The following KDM8 variants were observed in gnomAD, a reference collection of about 807,000 sequenced individuals.
KDM8 encodes lysine demethylase 8, also known as bifunctional peptidase and arginyl-hydroxylase JMJD5.
KDM8 carries 35 observed loss-of-function variants against 46.9 expected under a neutral mutation model. The observed-to-expected ratio is 0.75, with a 90% CI of 0.57 to 0.99. KDM8 has a LOEUF of 0.99. Ranked by LOEUF, KDM8 falls within the 50% of genes least tolerant of loss-of-function variation. The probability of loss-of-function intolerance (pLI) is 0.00; values close to 1 mark genes in which losing one functional copy is unlikely to be tolerated. For synonymous variants in KDM8, 232 were observed against 227.7 expected, an observed-to-expected ratio of 1.02 and a Z score of -0.17; for missense variants, 475 against 537.0, an observed-to-expected ratio of 0.88 and a Z score of 1.14.
intron 1 of KDM8, among the ~76,000 whole-genome samples, chr16:27,205,819 C>T (rs2083422982): frequency 6.6e-6 from 1 of 152,154 alleles, no homozygotes; most frequent in African/African-American, 2.4e-5. Flanking sequence ...GCCTGAGTGA[C>T]AGAAAGACTC....
rs1461744401 is a variant in KDM8 at position 27,210,347 on chromosome 16, C to A, written c.224C>A (p.Ser75Tyr). ...LQSSEVILDYSWEKLNTGTWQ... is the reference protein window; with the variant it reads ...LQSSEVILDYYWEKLNTGTWQ... ...AGCAGCGAGGTGATCCTGGACTACT[C>A]CTGGGAGAAGCTCAACACGGGCACA... The change falls in exon 2 of 8, where the codon TCC (serine) becomes TAC (tyrosine). Residue 75 changes from serine (S) to tyrosine (Y), a missense_variant. Transcript: ENST00000286096. 1.2e-6 allele frequency: 2 copies of A among 1,613,340 alleles called. No individual in the cohort carries two copies. The highest frequency in any genetic ancestry group is 1.7e-6 in the Non-Finnish European group (2 of 1,180,032).
intron 1 of KDM8, 74 bp from the exon 2 acceptor site, chr16:27,210,019 C>A: frequency 1.4e-6 from 2 of 1,433,594 alleles, no homozygotes; most frequent in Non-Finnish European, 1.9e-6. Context: ...AGATGAGATG[C>A]AGGAAGCTGC....
chr16:27,208,383 A>C (rs1274117164), intron 1 of KDM8, among the ~76,000 whole-genome samples: 2 of 152,208 alleles, frequency 1.3e-5, no homozygotes, highest in Non-Finnish European at 2.9e-5. Context: ...GGGCCGTTTT[A>C]TAAGGTCACC....
chr16:27,219,741 A>C (rs1310125145), intron 6 of KDM8, among the ~76,000 whole-genome samples: 1 of 152,212 alleles, frequency 6.6e-6, no homozygotes. Flanking sequence ...TGGGCAGCTC[A>C]TTTAATCTCT....
intron 1 of KDM8, among the ~76,000 whole-genome samples, chr16:27,208,159 C>T (rs1227464706): frequency 6.6e-6 from 1 of 152,214 alleles, no homozygotes; most frequent in Non-Finnish European, 1.5e-5. Context: ...CCATCTTTCC[C>T]AGAAGGCTGT....
intron 1 of KDM8, among the ~76,000 whole-genome samples, chr16:27,205,884 G>A (rs1389490253): frequency 6.6e-6 from 1 of 152,198 alleles, no homozygotes; most frequent in East Asian, 1.9e-4. Context: ...AGAGGTCTTT[G>A]AAGGCCAATA....
chr16:27,214,057 C>G lies in KDM8; in HGVS notation c.665+306C>G, dbSNP rs1379008886. 3.3e-5 allele frequency: 8 copies of G among 244,122 alleles called. No homozygotes were observed. In the East Asian group the frequency reaches 7.5e-4, roughly 23 times the overall value. The allele number at this position is 244,122 out of a possible 1,614,324, so 15.1% of individuals were successfully genotyped here. ...CAGGATCCTAGCAATTTCAGACCAT[C>G]TCAGGGCCCTGAAGCTAAGAGCAGA... On this transcript the variant is annotated intron_variant, in intron 3 of 7. Transcript: ENST00000286096.
chr16:27,218,680 A>C (rs2083581379), intron 5 of KDM8, among the ~76,000 whole-genome samples: 1 of 152,198 alleles, frequency 6.6e-6, no homozygotes, highest in Non-Finnish European at 1.5e-5. Flanking sequence ...TGTCTCTACA[A>C]AAACAAAAAT....
chr16:27,205,311 TAAC>T (rs1348396879), intron 1 of KDM8, among the ~76,000 whole-genome samples: 1 of 152,190 alleles, frequency 6.6e-6, no homozygotes, highest in Non-Finnish European at 1.5e-5. Flanking sequence ...GGTTAGCACA[TAAC>T]AGCCTATATT....
chr16:27,210,140 A>G lies in KDM8; in HGVS notation c.17A>G (p.His6Arg), dbSNP rs1397994407. ...GGTGGCCCGATGGCTGGAGACACCC[A>G]CTGCCCCGCAGAGCCCCTGGCCAGA... The part of the protein sequence containing the change: MAGDT[H>R]CPAEPLAREG... Residue 6 changes from histidine (H) to arginine (R), a missense_variant, in exon 2 of 8, where the codon CAC becomes CGC. By Grantham distance (29) the His-to-Arg change is conservative (BLOSUM62 0). Transcript: ENST00000286096. 6.2e-7 allele frequency: 1 copy of G among 1,612,832 alleles called. No individual in the cohort carries two copies. The highest frequency in any genetic ancestry group is 1.7e-5 in the Admixed American group (1 of 59,998).
chr16:27,215,154 A>C, intron 4 of KDM8, 146 bp downstream of exon 4: 1 of 868,020 alleles, frequency 1.2e-6, no homozygotes, highest in Non-Finnish European at 1.8e-6. Flanking sequence ...CGCAGCGAGG[A>C]AGGCAGGCTG....
intron 1 of KDM8, chr16:27,204,390 G>A: frequency 8.1e-7 from 1 of 1,240,232 alleles, no homozygotes; most frequent in Non-Finnish European, 1.0e-6. Flanking sequence ...CCCTTAGAGA[G>A]CCAAAGGGAT....
At position 27,214,715 on chromosome 16, in the gene KDM8, C is replaced by G. The variant is rs763505768; in HGVS notation, c.666-161C>G. On this transcript the variant is annotated intron_variant, in intron 3 of 7. Coordinates refer to ENST00000286096, the MANE Select transcript of KDM8 (RefSeq NM_024773.3). ...ACACAGCCTTGAGCAGGGAGCCCCA[C>G]CTCTCCATGCCGGTTCCTCATCAGT... 116 of 727,392 alleles carry G rather than the reference C, an allele frequency of 1.6e-4. 1 individual carries two copies. Among genetic ancestry groups the G allele is most frequent in the South Asian group, 1.7e-4 (10 of 58,494 alleles). The allele number at this position is 727,392 out of a possible 1,614,324, so 45.1% of individuals were successfully genotyped here.
chr16:27,209,732 CAG>C (rs2083462126), intron 1 of KDM8, among the ~76,000 whole-genome samples: 1 of 152,190 alleles, frequency 6.6e-6, no homozygotes, highest in Non-Finnish European at 1.5e-5. Flanking sequence ...TGCAGGAACA[CAG>C]AACACTGTTG....
chr16:27,213,692 A>C lies in KDM8; in HGVS notation c.606A>C (p.Pro202=). ...LQHFREQFLV[P]GRPVILKGVA... ...ATTTCAGGGAGCAGTTTTTGGTTCC[A>C]GGGAGGCCCGTGATCCTGAAAGGCG... Residue 202 remains proline (P), a synonymous_variant, in exon 3 of 8, where the codon CCA becomes CCC. Coordinates refer to ENST00000286096, the MANE Select transcript of KDM8 (RefSeq NM_024773.3). 1 of 1,614,176 alleles carries C rather than the reference A, an allele frequency of 6.2e-7. No individual in the cohort carries two copies. The highest frequency in any genetic ancestry group is 8.5e-7 in the Non-Finnish European group (1 of 1,180,008).
chr16:27,213,108 G>A (rs2083502627), intron 2 of KDM8, among the ~76,000 whole-genome samples: 1 of 152,198 alleles, frequency 6.6e-6, no homozygotes, highest in South Asian at 2.1e-4. Flanking sequence ...CTAAGAAACT[G>A]TAAGGACCGG....
chr16:27,207,486 A>C (rs1346129194), intron 1 of KDM8, among the ~76,000 whole-genome samples: 1 of 152,248 alleles, frequency 6.6e-6, no homozygotes, highest in Non-Finnish European at 1.5e-5. Context: ...AGGCCAAATC[A>C]TGAGAGGTTT....
chr16:27,211,489 G>A (rs8055597), intron 2 of KDM8: 37,173 of 236,066 alleles, frequency 0.16, 3,882 homozygotes, highest in African/African-American at 0.32. Flanking sequence ...GGCCTCACTT[G>A]CAACACACCC....
At chr16:27,204,210 T>C (rs2083406064) in intron 1 of KDM8, 13 of 1,450,582 alleles carry the variant, frequency 9.0e-6, no homozygotes, top group Admixed American at 6.2e-5. Context: ...GGTGTGTGAC[T>C]GCCCTAAGGA....
Sources: allele counts gnomAD v4.1 joint callset (sites outside exome capture counted in the v4.1 genomes callset), GRCh38; gene constraint gnomAD v4.1.1; transcripts MANE v1.5; gene names NCBI Gene and HGNC (gene_info 2026-07-23, HGNC 2026-07-21).